The following ZNF732 variants were observed in gnomAD, a reference collection of about 807,000 sequenced individuals.
ZNF732 encodes zinc finger protein 732.
Under a neutral mutation model 11.5 loss-of-function variants are expected in ZNF732, and 12 were observed. The ratio of observed to expected loss-of-function variants is 1.05; its 90% CI spans 0.67 to 1.70. The LOEUF (loss-of-function observed/expected upper bound fraction) is 1.70, where lower values mean the gene tolerates loss of function less well. Among genes scored for constraint, ZNF732 ranks in the 40% most tolerant of loss-of-function variants. The probability of loss-of-function intolerance (pLI) is 0.00; values close to 1 mark genes in which losing one functional copy is unlikely to be tolerated. For missense variants in ZNF732, 702 were observed against 676.9 expected, an observed-to-expected ratio of 1.04 and a Z score of -0.41; for synonymous variants, 231 against 236.5, an observed-to-expected ratio of 0.98 and a Z score of 0.21.
intron 3 of ZNF732, among the ~76,000 whole-genome samples, chr4:289,710 T>C (rs971293580): frequency 6.6e-6 from 1 of 152,158 alleles, no homozygotes; most frequent in African/African-American, 2.4e-5. Context: ...TGAACTGCAA[T>C]GGATAAGCTA....
intron 3 of ZNF732, among the ~76,000 whole-genome samples, chr4:285,607 A>C (rs10002733): frequency 0.45 from 67,930 of 151,936 alleles, 15,492 homozygotes; most frequent in African/African-American, 0.52. Flanking sequence ...CCCTTTGAGT[A>C]CTCAGTCCCC....
intron 1 of ZNF732, among the ~76,000 whole-genome samples, chr4:300,980 G>A (rs956788749): frequency 6.6e-6 from 1 of 152,256 alleles, no homozygotes; most frequent in East Asian, 1.9e-4. Context: ...ATCTGACAAA[G>A]AGCTAATATC....
At chr4:275,523 C>T (rs1553838534) in intron 3 of ZNF732, among the ~76,000 whole-genome samples, 1 of 151,586 alleles carries the variant, frequency 6.6e-6, no homozygotes, top group African/African-American at 2.4e-5. Context: ...AGAATTAAAG[C>T]AATCTGGGAT....
intron 3 of ZNF732, among the ~76,000 whole-genome samples, chr4:287,203 T>A (rs934171642): frequency 6.6e-6 from 1 of 151,596 alleles, no homozygotes; most frequent in African/African-American, 2.4e-5. Context: ...TCCAAGAATA[T>A]GTGAAACTTA....
chr4:302,413 T>C (rs1394016627), intron 1 of ZNF732, among the ~76,000 whole-genome samples: 2 of 152,196 alleles, frequency 1.3e-5, no homozygotes, highest in Non-Finnish European at 2.9e-5. Context: ...AATTCTCAAG[T>C]AGAAGACATG....
At chr4:294,003 G>A (rs1175218798) in intron 3 of ZNF732, among the ~76,000 whole-genome samples, 1 of 152,068 alleles carries the variant, frequency 6.6e-6, no homozygotes, top group African/African-American at 2.4e-5. Context: ...AAATTAGTTT[G>A]GTTTTGGTTT....
chr4:303,437 TG>T (rs1195169484), intron 1 of ZNF732, among the ~76,000 whole-genome samples: 1 of 152,058 alleles, frequency 6.6e-6, no homozygotes, highest in Non-Finnish European at 1.5e-5. Flanking sequence ...GCCAACATGG[TG>T]AAACTCCCTC....
rs1553837060 is a variant in ZNF732 at position 270,930 on chromosome 4, T to C, written c.*169A>G. The C allele has an allele frequency of 2.6e-6, 2 of 765,434 alleles. No individual in the cohort carries two copies. Among genetic ancestry groups the C allele is most frequent in the African/African-American group, 3.5e-5 (2 of 57,632 alleles). The allele number at this position is 765,434 out of a possible 1,614,324, so 47.4% of individuals were successfully genotyped here. On this transcript the variant is annotated 3_prime_UTR_variant, in exon 4 of 4. Coordinates refer to ENST00000419098, the MANE Select transcript of ZNF732 (RefSeq NM_001137608.3). Reference sequence around the variant, plus strand: ...TGAAGGCTTTCCCACATTCTTTACATTTGTAGGGTTTTTCTCCAGTATGAA... The same window carrying C: ...TGAAGGCTTTCCCACATTCTTTACACTTGTAGGGTTTTTCTCCAGTATGAA...
At chr4:292,680 C>T (rs1334348868) in intron 3 of ZNF732, among the ~76,000 whole-genome samples, 1 of 151,410 alleles carries the variant, frequency 6.6e-6, no homozygotes, top group African/African-American at 2.4e-5. Context: ...TTTTTTCCCC[C>T]CAAAGAAGAC....
In ZNF732 at chr4:272,549, T is replaced by C. The variant is rs536051075; in HGVS notation, c.308A>G (p.Tyr103Cys). 1 of 1,601,564 alleles carries C rather than the reference T, an allele frequency of 6.2e-7. No homozygotes were observed. The highest frequency in any genetic ancestry group is 1.1e-5 in the South Asian group (1 of 89,402). The change falls in exon 4 of 4, where the codon TAT (tyrosine) becomes TGT (cysteine). Residue 103 changes from tyrosine to cysteine, a missense_variant. By Grantham distance (194) the Tyr-to-Cys change is radical. Around this residue, in one of 3 missense-constraint regions of ZNF732, gnomAD observed 596 missense variants for 557.9 expected, o/e 1.07. Transcript: ENST00000419098. The stretch of plus-strand genomic sequence containing the variant: ...TAAATTCTCATGTCCACATTTCTCA[T>C]ATCTTCTTAATATAAGTTTGTGGAA... ...DSFHKLILRRYEKCGHENLEL... is the reference protein window; with the variant it reads ...DSFHKLILRRCEKCGHENLEL...
Position 305,337 on chromosome 4 carries a change from T to C in ZNF732, c.-27A>G. The stretch of plus-strand genomic sequence containing the variant: ...TCCCCACTTCAGGGGTGTAGCGGAG[T>C]CTCAGCTACGAATCATCCAATACCC... On this transcript the variant is annotated 5_prime_UTR_variant, in exon 1 of 4. Coordinates refer to ENST00000419098, the MANE Select transcript of ZNF732 (RefSeq NM_001137608.3). 1 of 1,607,164 alleles carries C rather than the reference T, an allele frequency of 6.2e-7. No homozygotes were observed. Among genetic ancestry groups the C allele is most frequent in the Non-Finnish European group, 8.5e-7 (1 of 1,179,728 alleles).
Position 272,183 on chromosome 4 carries a change from CAT to C in ZNF732, c.672_673del (p.Cys225Ter). The C allele has an allele frequency of 6.2e-7, 1 of 1,613,440 alleles. No homozygotes were observed. The highest frequency in any genetic ancestry group is 8.5e-7 in the Non-Finnish European group (1 of 1,179,656). ...GGTAAAGATGTTGCCACATTCTTCA[CAT>C]GTGAAGGGTTTCTCTCCAGTATGAA... On this transcript the variant is annotated frameshift_variant, in exon 4 of 4. Transcript: ENST00000419098. LOFTEE classifies it low-confidence loss of function (END_TRUNC).
At position 272,532 on chromosome 4, in the gene ZNF732, C is replaced by T; in HGVS notation, c.325G>A (p.Glu109Lys). Residue 109 changes from glutamate to lysine, a missense_variant, in exon 4 of 4, where the codon GAG (glutamate) becomes AAG (lysine). Transcript: ENST00000419098. ...ILRRYEKCGH[E>K]NLELRKSCKR... Reference sequence around the variant, plus strand: ...CAGCTTTTTCTTAATTCTAAATTCTCATGTCCACATTTCTCATATCTTCTT... The same window carrying T: ...CAGCTTTTTCTTAATTCTAAATTCTTATGTCCACATTTCTCATATCTTCTT... 1 of 1,603,530 alleles carries T rather than the reference C, an allele frequency of 6.2e-7. No individual in the cohort carries two copies. The highest frequency in any genetic ancestry group is 8.5e-7 in the Non-Finnish European group (1 of 1,174,618).
intron 3 of ZNF732, among the ~76,000 whole-genome samples, chr4:281,010 A>AT (rs1719608842): frequency 6.6e-6 from 1 of 152,144 alleles, no homozygotes; most frequent in South Asian, 2.1e-4. Flanking sequence ...GCCAATAATT[A>AT]TTTGACAGTG....
intron 1 of ZNF732, 59 bp downstream of exon 1, chr4:305,249 T>G: frequency 6.3e-7 from 1 of 1,578,170 alleles, no homozygotes; most frequent in Non-Finnish European, 8.6e-7. Flanking sequence ...GCCGCCGCCA[T>G]TTCCCGCCGG....
At chr4:294,070 C>G (rs1271906621) in intron 3 of ZNF732, among the ~76,000 whole-genome samples, 1 of 152,196 alleles carries the variant, frequency 6.6e-6, no homozygotes, top group African/African-American at 2.4e-5. Context: ...GGCATGATCT[C>G]AGCTCAGTGC....
At chr4:284,027 C>G (rs1390315644) in intron 3 of ZNF732, among the ~76,000 whole-genome samples, 4 of 152,096 alleles carry the variant, frequency 2.6e-5, no homozygotes, top group African/African-American at 9.7e-5. Context: ...TCTCCTGCCT[C>G]AGCCTCCTGA....
At chr4:288,179 A>AT (rs1233557853) in intron 3 of ZNF732, among the ~76,000 whole-genome samples, 2 of 151,424 alleles carry the variant, frequency 1.3e-5, no homozygotes, top group African/African-American at 4.9e-5. Flanking sequence ...ATAATTTTTA[A>AT]TTTTTTTTGC....
At chr4:292,342 G>C (rs1553841440) in intron 3 of ZNF732, among the ~76,000 whole-genome samples, 1 of 152,108 alleles carries the variant, frequency 6.6e-6, no homozygotes, top group African/African-American at 2.4e-5. Flanking sequence ...CAGATCACCT[G>C]AGGTCAGGAG....
Sources: gnomAD v4.1 joint callset for allele counts (sites outside exome capture counted in the v4.1 genomes callset) on GRCh38, gnomAD v4.1.1 for gene constraint, gnomAD v4.1.1 regional missense constraint, MANE v1.5 for transcripts, NCBI Gene and HGNC (gene_info 2026-07-23, HGNC 2026-07-21) for gene names.